OPHN1: variants seen among roughly 807,000 people sequenced by gnomAD.
The protein encoded by OPHN1 is oligophrenin-1.
OPHN1 carries 11 observed loss-of-function variants against 60.7 expected under a neutral mutation model. That is an observed-to-expected ratio of 0.18 (90% CI 0.11 to 0.30). OPHN1 has a LOEUF of 0.30. Ranked by LOEUF, OPHN1 falls within the 10% of genes least tolerant of loss-of-function variation. The pLI is 1.00. For missense variants in OPHN1, 449 were observed against 611.0 expected, an observed-to-expected ratio of 0.73 and a Z score of 2.80; for synonymous variants, 226 against 222.6, an observed-to-expected ratio of 1.02 and a Z score of -0.14.
At chrX:68,232,949 AC>A (rs1440613065) in intron 6 of OPHN1, among the ~76,000 whole-genome samples, 1 of 99,760 alleles carries the variant, frequency 1.0e-5, no homozygotes, top group Non-Finnish European at 2.0e-5. Context: ...TTTTTTTGAG[AC>A]AGAGTTTCGT....
At chrX:68,388,492 C>A (rs1385725313) in intron 2 of OPHN1, among the ~76,000 whole-genome samples, 4 of 108,210 alleles carry the variant, frequency 3.7e-5, no homozygotes, top group Admixed American at 2.0e-4. Flanking sequence ...GGTATTAATT[C>A]TTTTAGACAG....
intron 22 of OPHN1, 117 bp from the exon 23 acceptor site, chrX:68,052,707 C>G: frequency 1.5e-6 from 1 of 653,164 alleles, no homozygotes; most frequent in Non-Finnish European, 2.5e-6. Context: ...CCAGCCCCTG[C>G]CTTTGCTGGC....
chrX:68,133,192 C>T, intron 15 of OPHN1: 2 of 775,199 alleles, frequency 2.6e-6, no homozygotes, highest in Non-Finnish European at 4.0e-6. Context: ...GTCAACCTCA[C>T]TCCTCAGCAC....
intron 2 of OPHN1, 146 bp from the exon 3 acceptor site, chrX:68,299,242 T>C: frequency 2.7e-6 from 1 of 376,375 alleles, no homozygotes. Context: ...AAACAAAAGA[T>C]TAGATATGCA....
At chrX:68,357,822 C>T (rs1396907855) in intron 2 of OPHN1, among the ~76,000 whole-genome samples, 5 of 110,701 alleles carry the variant, frequency 4.5e-5, no homozygotes, top group African/African-American at 1.3e-4. Context: ...CCTGAGGAAT[C>T]GCCACACTGA....
chrX:68,126,252 G>T (rs1273962033), intron 15 of OPHN1, among the ~76,000 whole-genome samples: 1 of 110,097 alleles, frequency 9.1e-6, no homozygotes, highest in Non-Finnish European at 1.9e-5. Flanking sequence ...CCCAAGGCCT[G>T]TTCCATTCTC....
intron 16 of OPHN1, among the ~76,000 whole-genome samples, chrX:68,117,272 A>G (rs1339593636): frequency 2.7e-5 from 3 of 111,074 alleles, no homozygotes; most frequent in Non-Finnish European, 5.7e-5. Flanking sequence ...CTGGAACCCA[A>G]CTCCTACTTA....
At chrX:68,185,153 A>G (rs2077456854) in intron 15 of OPHN1, among the ~76,000 whole-genome samples, 1 of 112,449 alleles carries the variant, frequency 8.9e-6, no homozygotes, top group South Asian at 3.6e-4. Flanking sequence ...AATATTAATT[A>G]CATGTCAGTT....
At chrX:68,143,697 C>G in intron 15 of OPHN1, among the ~76,000 whole-genome samples, 1 of 111,465 alleles carries the variant, frequency 9.0e-6, no homozygotes, top group Non-Finnish European at 1.9e-5. Flanking sequence ...TTAATAATAT[C>G]CCCCGGTAGA....
chrX:68,229,074 C>A (rs1461862118), intron 6 of OPHN1, among the ~76,000 whole-genome samples: 1 of 111,534 alleles, frequency 9.0e-6, no homozygotes, highest in Admixed American at 9.6e-5. Context: ...TCTCAGGATA[C>A]AAAATCAATG....
At chrX:68,100,309 A>C (rs2147409317) in intron 18 of OPHN1, among the ~76,000 whole-genome samples, 1 of 111,597 alleles carries the variant, frequency 9.0e-6, no homozygotes, top group East Asian at 2.8e-4. Flanking sequence ...ACACCCCAGA[A>C]ACACAAAACT....
At chrX:68,379,284 C>T (rs371066187) in intron 2 of OPHN1, among the ~76,000 whole-genome samples, 1 of 111,651 alleles carries the variant, frequency 9.0e-6, no homozygotes, top group Admixed American at 9.6e-5. Flanking sequence ...GATTTTGTAT[C>T]CTGAGACTTT....
chrX:68,108,536 A>G (rs910283278), intron 18 of OPHN1, among the ~76,000 whole-genome samples: 1 of 111,295 alleles, frequency 9.0e-6, no homozygotes, highest in East Asian at 2.8e-4. Flanking sequence ...CTATAAACTT[A>G]GCTTGTGATA....
intron 2 of OPHN1, among the ~76,000 whole-genome samples, chrX:68,354,399 G>A (rs1438509710): frequency 2.2e-5 from 2 of 89,515 alleles, no homozygotes; most frequent in African/African-American, 4.3e-5. Flanking sequence ...GCAGTGAGCC[G>A]AGATCACACC....
chrX:68,370,011 A>AACATATATATATATATATAT (rs2078519052), intron 2 of OPHN1, among the ~76,000 whole-genome samples: 1 of 64,385 alleles, frequency 1.6e-5, no homozygotes, highest in African/African-American at 7.8e-5. Context: ...AAATTGCTGA[A>AACATATATATATATATATAT]ATATATATAT....
intron 20 of OPHN1, chrX:68,070,795 GT>G: frequency 4.3e-6 from 5 of 1,161,539 alleles, no homozygotes; most frequent in Non-Finnish European, 4.7e-6. Context: ...CCAAGTGACA[GT>G]CTCAGCATAC....
In OPHN1 at chrX:68,186,723, G is replaced by C. The variant is rs560407636; in HGVS notation, c.1276+6196C>G. On this transcript the variant is annotated intron_variant, in intron 15 of 24. Transcript: ENST00000355520. ...CTAGAAGCTGAAAGTCTAAGATAAG[G>C]GTGCCAGTATGGTTGGGTTCTGATG... 1.1e-4 allele frequency among the ~76,000 whole-genome samples: 12 copies of C among 111,554 alleles called. No individual in the cohort carries two copies. The South Asian group carries it at 4.6e-3, about 42-fold the overall frequency.
chrX:68,416,525 C>T (rs1400584897), intron 2 of OPHN1, among the ~76,000 whole-genome samples: 1 of 111,358 alleles, frequency 9.0e-6, no homozygotes, highest in African/African-American at 3.3e-5. Flanking sequence ...AAAGCAAAAC[C>T]CCTGTATGAG....
intron 15 of OPHN1, among the ~76,000 whole-genome samples, chrX:68,160,454 T>G (rs1362965964): frequency 9.0e-6 from 1 of 111,112 alleles, no homozygotes; most frequent in African/African-American, 3.3e-5. Context: ...CTATAGAACA[T>G]GCCATTCAAA....
Sources: gnomAD v4.1 joint callset for allele counts (sites outside exome capture counted in the v4.1 genomes callset) on GRCh38, gnomAD v4.1.1 for gene constraint, MANE v1.5 for transcripts, NCBI Gene and HGNC (gene_info 2026-07-23, HGNC 2026-07-21) for gene names.